Variants in EPM2A observed in about 807,000 individuals in gnomAD.
EPM2A encodes EPM2A glucan phosphatase, laforin, also known as laforin.
In EPM2A, 21 loss-of-function variants were observed where a neutral mutation model predicts 26.5. The ratio of observed to expected loss-of-function variants is 0.79; its 90% CI spans 0.56 to 1.14. The LOEUF (loss-of-function observed/expected upper bound fraction) is 1.14. EPM2A is among the 50% of genes most tolerant of loss of function. The probability of loss-of-function intolerance (pLI) is 0.00; values close to 1 mark genes in which losing one functional copy is unlikely to be tolerated. For synonymous variants in EPM2A, 217 were observed against 177.6 expected (o/e 1.22, Z -1.76); for missense variants, 458 against 440.8 (o/e 1.04, Z -0.35).
chr6:145,446,057 C>A (rs1582761771), intron 4 of EPM2A, among the ~76,000 whole-genome samples: 1 of 152,136 alleles, frequency 6.6e-6, no homozygotes, highest in Non-Finnish European at 1.5e-5. Context: ...TTGTTAACAG[C>A]CCAAGCTGAG....
In EPM2A at chr6:145,406,755, G is replaced by A. The variant is rs569280469; in HGVS notation, c.556-22658C>T. Among the ~76,000 whole-genome samples the A allele has an allele frequency of 1.1e-4, 17 of 152,212 alleles. 1 individual carries two copies. The highest frequency in any genetic ancestry group is 7.2e-4 in the Admixed American group (11 of 15,252). On this transcript the variant is annotated intron_variant, in intron 4 of 4. Transcript: ENST00000638717. Reference sequence around the variant, plus strand: ...GCTAGAAAACTTCCCAGAGATAGGCGAAAGCAATGGTTCTCAAAGTATTGA... The same window carrying A: ...GCTAGAAAACTTCCCAGAGATAGGCAAAAGCAATGGTTCTCAAAGTATTGA...
At chr6:145,617,897 C>T (rs1307608548) in intron 2 of EPM2A, among the ~76,000 whole-genome samples, 2 of 152,146 alleles carry the variant, frequency 1.3e-5, no homozygotes, top group Non-Finnish European at 2.9e-5. Flanking sequence ...GAGCTGTTAT[C>T]GCACCACTGT....
chr6:145,680,897 G>T (rs202007435), intron 2 of EPM2A, among the ~76,000 whole-genome samples: 7 of 151,168 alleles, frequency 4.6e-5, no homozygotes, highest in Non-Finnish European at 5.9e-5. Context: ...AGTCCTTTGG[G>T]TATATACCCA....
intron 2 of EPM2A, among the ~76,000 whole-genome samples, chr6:145,515,193 G>A (rs1780108491): frequency 6.6e-6 from 1 of 152,090 alleles, no homozygotes; most frequent in South Asian, 2.1e-4. Context: ...AAACATCCTT[G>A]GTAATGACTA....
intron 4 of EPM2A, among the ~76,000 whole-genome samples, chr6:145,492,893 C>T (rs1779772973): frequency 6.6e-6 from 1 of 152,176 alleles, no homozygotes; most frequent in Non-Finnish European, 1.5e-5. Flanking sequence ...GAAAAGGCAA[C>T]ATTTGTTCAG....
At chr6:145,687,618 G>A (rs1781014606) in intron 1 of EPM2A, among the ~76,000 whole-genome samples, 1 of 152,056 alleles carries the variant, frequency 6.6e-6, no homozygotes, top group Admixed American at 6.6e-5. Context: ...AATCACATTT[G>A]TTATGAATAC....
At chr6:145,434,011 T>C (rs1399209332) in intron 4 of EPM2A, among the ~76,000 whole-genome samples, 4 of 152,088 alleles carry the variant, frequency 2.6e-5, no homozygotes, top group African/African-American at 4.8e-5. Flanking sequence ...CAAAATATTA[T>C]TTTTCTTTTT....
chr6:145,530,703 C>T (rs1780341428), intron 2 of EPM2A, among the ~76,000 whole-genome samples: 1 of 152,156 alleles, frequency 6.6e-6, no homozygotes. Flanking sequence ...ACCTGCTCTC[C>T]CAAGGAGTTT....
intron 1 of EPM2A, among the ~76,000 whole-genome samples, chr6:145,694,404 C>A (rs181484860): frequency 6.6e-6 from 1 of 152,086 alleles, no homozygotes; most frequent in Non-Finnish European, 1.5e-5. Flanking sequence ...CACAAAAAAT[C>A]TTTTTGTTCA....
chr6:145,445,571 A>G (rs1779119055), intron 4 of EPM2A, among the ~76,000 whole-genome samples: 1 of 152,166 alleles, frequency 6.6e-6, no homozygotes, highest in Admixed American at 6.5e-5. Context: ...TGTGCTTACT[A>G]AGACTAAGCC....
intron 2 of EPM2A, among the ~76,000 whole-genome samples, chr6:145,547,795 C>T (rs1272071503): frequency 1.3e-5 from 2 of 152,148 alleles, no homozygotes; most frequent in East Asian, 3.9e-4. Context: ...GACTCAGACC[C>T]AAGGAATGAT....
intron 1 of EPM2A, among the ~76,000 whole-genome samples, chr6:145,731,579 A>G (rs1289779654): frequency 6.6e-6 from 1 of 152,182 alleles, no homozygotes; most frequent in African/African-American, 2.4e-5. Flanking sequence ...GAACATAGAG[A>G]ACACATGGAC....
At chr6:145,480,979 G>C (rs1349055450) in intron 4 of EPM2A, among the ~76,000 whole-genome samples, 2 of 152,092 alleles carry the variant, frequency 1.3e-5, no homozygotes, top group African/African-American at 4.8e-5. Flanking sequence ...ATGGGCCAAA[G>C]AAAATTTGCA....
At chr6:145,418,418 A>G (rs1043524061) in intron 4 of EPM2A, among the ~76,000 whole-genome samples, 2 of 152,154 alleles carry the variant, frequency 1.3e-5, no homozygotes, top group African/African-American at 4.8e-5. Context: ...GGATGCCTCA[A>G]GTGGGAGAGT....
At chr6:145,545,932 T>C (rs1780577784) in intron 2 of EPM2A, among the ~76,000 whole-genome samples, 1 of 152,196 alleles carries the variant, frequency 6.6e-6, no homozygotes, top group African/African-American at 2.4e-5. Flanking sequence ...CCAAGGATGT[T>C]GAGTCTGCTT....
chr6:145,673,899 C>T (rs1346121866), intron 2 of EPM2A, among the ~76,000 whole-genome samples: 2 of 152,220 alleles, frequency 1.3e-5, no homozygotes, highest in Non-Finnish European at 2.9e-5. Context: ...TTAAACATCC[C>T]TGTCTGACAG....
At chr6:145,599,851 T>C (rs754234967) in intron 2 of EPM2A, among the ~76,000 whole-genome samples, 2 of 152,058 alleles carry the variant, frequency 1.3e-5, no homozygotes, top group Non-Finnish European at 1.5e-5. Context: ...TGTTTCTCCA[T>C]TTACACAAAT....
At chr6:145,680,445 G>A in intron 2 of EPM2A, among the ~76,000 whole-genome samples, 1 of 151,014 alleles carries the variant, frequency 6.6e-6, no homozygotes, top group Non-Finnish European at 1.5e-5. Flanking sequence ...CAATGTGCAG[G>A]TTAGTTACAT....
At chr6:145,649,503 G>A (rs1777722574) in intron 2 of EPM2A, among the ~76,000 whole-genome samples, 1 of 152,164 alleles carries the variant, frequency 6.6e-6, no homozygotes, top group South Asian at 2.1e-4. Context: ...TATGATGGGG[G>A]CAAATTGTGT....
Sources: gnomAD v4.1 joint callset for allele counts (sites outside exome capture counted in the v4.1 genomes callset) on GRCh38, gnomAD v4.1.1 for gene constraint, MANE v1.5 for transcripts, NCBI Gene and HGNC (gene_info 2026-07-23, HGNC 2026-07-21) for gene names.